The following TMEM233 variants were observed in gnomAD, a reference collection of about 807,000 sequenced individuals.
TMEM233 encodes the protein dispanin subfamily B member 2.
Under a neutral mutation model 11.2 loss-of-function variants are expected in TMEM233, and 6 were observed. The ratio of observed to expected loss-of-function variants is 0.54; its 90% CI spans 0.29 to 1.06. The LOEUF is 1.06. Ranked by LOEUF, TMEM233 falls within the 50% of genes least tolerant of loss-of-function variation. TMEM233 has a pLI of 0.08. For missense variants in TMEM233, 127 were observed against 144.7 expected (o/e 0.88, Z 0.63); for synonymous variants, 59 against 55.8 (o/e 1.06, Z -0.26).
chr12:119,616,532 A>G lies in TMEM233; in HGVS notation c.187-13204A>G, dbSNP rs552654364. Among the ~76,000 whole-genome samples, 19 of 152,354 alleles carry G rather than the reference A, an allele frequency of 1.2e-4. 1 individual carries two copies. The highest frequency in any genetic ancestry group is 5.2e-4 in the Admixed American group (8 of 15,304). On this transcript the variant is annotated intron_variant, in intron 1 of 2. Transcript: ENST00000426426. ...AAGAACTCAACAATGTCCAAACACC[A>G]CAAATATAAGTGAACAGACAATGGA...
intron 2 of TMEM233, among the ~76,000 whole-genome samples, chr12:119,635,053 G>A (rs770648257): frequency 2.1e-4 from 32 of 152,186 alleles, no homozygotes; most frequent in Admixed American, 1.2e-3. Flanking sequence ...AAAACTCTCC[G>A]CCCTCAAGCT....
chr12:119,638,186 A>G (rs538914377), intron 2 of TMEM233, among the ~76,000 whole-genome samples: 1 of 152,306 alleles, frequency 6.6e-6, no homozygotes, highest in South Asian at 2.1e-4. Context: ...GCCGCTGGGC[A>G]CTGTAGTTCA....
In TMEM233 at chr12:119,594,279, T is replaced by C; in HGVS notation, c.186+245T>C. Reference sequence around the variant, plus strand: ...CTGATCAAGCTTCCCCCAGGCTAGCTTTCCTCTTCTTTCCAGCTCCCAGGG... The same window carrying C: ...CTGATCAAGCTTCCCCCAGGCTAGCCTTCCTCTTCTTTCCAGCTCCCAGGG... On this transcript the variant is annotated intron_variant, in intron 1 of 2. Transcript: ENST00000426426. This position sits in a 1 kb window ranked among gnomAD's most constrained non-coding sequence, Gnocchi z 5.6. The C allele has an allele frequency of 4.2e-6, 2 of 475,288 alleles. No homozygotes were observed. The highest frequency in any genetic ancestry group is 6.7e-5 in the South Asian group (2 of 29,644). The allele number at this position is 475,288 out of a possible 1,614,324, so 29.4% of individuals were successfully genotyped here.
Position 119,626,538 on chromosome 12 carries a change from G to GAAGAGAAGAGAAGAGAAGAGAA in TMEM233, c.187-3198_187-3197insAAGAGAAGAGAAGAGAAGAGAA, listed in dbSNP as rs1566109309. Among the ~76,000 whole-genome samples the GAAGAGAAGAGAAGAGAAGAGAA allele has an allele frequency of 5.0e-4, 32 of 63,776 alleles. 1 individual carries two copies. Among genetic ancestry groups the GAAGAGAAGAGAAGAGAAGAGAA allele is most frequent in the African/African-American group, 1.6e-3 (27 of 16,460 alleles). The allele number at this position is 63,776 out of a possible 152,430, so 41.8% of individuals were successfully genotyped here. On this transcript the variant is annotated intron_variant, in intron 1 of 2. Coordinates refer to ENST00000426426, the MANE Select transcript of TMEM233 (RefSeq NM_001136534.3). The stretch of plus-strand genomic sequence containing the variant: ...AGGAGGAGAAGGGAGAAGGGAGAAG[G>GAAGAGAAGAGAAGAGAAGAGAA]GAGAAGAGAAGAGAAGAGAAGAGAA...
At chr12:119,647,219 G>A (rs1469504494), downstream of TMEM233, among the ~76,000 whole-genome samples, 2 of 152,068 alleles carry the variant, frequency 1.3e-5, no homozygotes, top group Admixed American at 6.6e-5. Context: ...CTTTTTTTGT[G>A]TGTCCTTAAA....
rs1593268398 is a variant in TMEM233, at chr12:119,594,133, A to G, written c.186+99A>G. 2.4e-6 allele frequency: 3 copies of G among 1,241,200 alleles called. No homozygotes were observed. In the Admixed American group the frequency reaches 7.0e-5, roughly 29 times the overall value. 76.9% of individuals were successfully genotyped at this position (1,241,200 alleles called of 1,614,324 possible). ...CGCGCTCTCTGCGGCTCCCTTCCTC[A>G]CGGCCCGGCCCGCGCTAGGTGTTCT... On this transcript the variant is annotated intron_variant, in intron 1 of 2. Coordinates refer to ENST00000426426, the MANE Select transcript of TMEM233 (RefSeq NM_001136534.3). This position sits in a 1 kb window ranked among gnomAD's most constrained non-coding sequence, Gnocchi z 5.6.
Position 119,594,190 on chromosome 12 carries a change from G to A in TMEM233, c.186+156G>A. On this transcript the variant is annotated intron_variant, in intron 1 of 2. Coordinates refer to ENST00000426426, the MANE Select transcript of TMEM233 (RefSeq NM_001136534.3). The surrounding 1 kb of genome is among the most constrained non-coding windows in gnomAD (Gnocchi z 5.6). ...TCGCACCTCCTCCTCACCTTTCTCG[G>A]GCTCTCAGAGCTCTCCCCGCAATCA... 2.8e-6 allele frequency: 2 copies of A among 708,598 alleles called. No homozygotes were observed. 43.9% of individuals were successfully genotyped at this position (708,598 alleles called of 1,614,324 possible).
rs1955072775 is a variant in TMEM233, at chr12:119,640,863, A to G, written c.*158A>G. On this transcript the variant is annotated 3_prime_UTR_variant, in exon 3 of 3. Transcript: ENST00000426426. ...TCCCTGGCAAATGAACAAGAAAAAA[A>G]AAAAAAAAAAGTCCAAAATTTAGGC... is the stretch of plus-strand genomic sequence containing the variant. The G allele has an allele frequency of 1.3e-6, 1 of 795,522 alleles. No homozygotes were observed. Among genetic ancestry groups the G allele is most frequent in the South Asian group, 2.6e-5 (1 of 38,744 alleles). The allele number at this position is 795,522 out of a possible 1,614,324, so 49.3% of individuals were successfully genotyped here.
intron 1 of TMEM233, among the ~76,000 whole-genome samples, chr12:119,612,122 T>C (rs1954411417): frequency 6.6e-6 from 1 of 151,942 alleles, no homozygotes; most frequent in African/African-American, 2.4e-5. Flanking sequence ...GCCTCCTGAG[T>C]AGCTGGGACT....
chr12:119,635,625 G>A (rs1430513137), intron 2 of TMEM233, among the ~76,000 whole-genome samples: 1 of 152,112 alleles, frequency 6.6e-6, no homozygotes, highest in Non-Finnish European at 1.5e-5. Flanking sequence ...ACCATCTACT[G>A]GGAGTTAGAG....
chr12:119,620,494 C>T (rs1397395615), intron 1 of TMEM233, among the ~76,000 whole-genome samples: 1 of 152,132 alleles, frequency 6.6e-6, no homozygotes, highest in Non-Finnish European at 1.5e-5. Flanking sequence ...GCAATCTCAA[C>T]AAATTTTAAA....
chr12:119,609,454 A>G (rs982299686), intron 1 of TMEM233, among the ~76,000 whole-genome samples: 1 of 152,236 alleles, frequency 6.6e-6, no homozygotes, highest in African/African-American at 2.4e-5. Flanking sequence ...AATGTTAATC[A>G]CCAAGACAAT....
the TMEM233 span, among the ~76,000 whole-genome samples, chr12:119,652,496 C>T: frequency 2.0e-5 from 3 of 152,148 alleles, no homozygotes; most frequent in Non-Finnish European, 4.4e-5. Flanking sequence ...CACATTTACC[C>T]GGCTTTTCCT....
chr12:119,614,288 T>C (rs10774506), intron 1 of TMEM233, among the ~76,000 whole-genome samples: 115,391 of 151,304 alleles, frequency 0.76, 44,102 homozygotes, highest in Middle Eastern at 0.85. Context: ...GCATCTGTAA[T>C]CCCAGCTACT....
chr12:119,630,350 C>T (rs1954853449), intron 2 of TMEM233, among the ~76,000 whole-genome samples: 1 of 152,166 alleles, frequency 6.6e-6, no homozygotes. Context: ...ATGCAGGGTC[C>T]CACGCTATAC....
At chr12:119,616,822 T>G (rs1954546804) in intron 1 of TMEM233, among the ~76,000 whole-genome samples, 1 of 152,172 alleles carries the variant, frequency 6.6e-6, no homozygotes, top group African/African-American at 2.4e-5. Flanking sequence ...TCTCACAAGA[T>G]CTGATGGTTC....
At chr12:119,628,870 G>C (rs1278165707) in intron 1 of TMEM233, among the ~76,000 whole-genome samples, 1 of 152,162 alleles carries the variant, frequency 6.6e-6, no homozygotes, top group Non-Finnish European at 1.5e-5. Context: ...CAGTTCTGGG[G>C]CTCACCTGCC....
At position 119,640,835 on chromosome 12, in the gene TMEM233, A is replaced by T; in HGVS notation, c.*130A>T. 4.9e-6 allele frequency: 4 copies of T among 822,412 alleles called. No homozygotes were observed. Among genetic ancestry groups the T allele is most frequent in the Non-Finnish European group, 6.8e-6 (4 of 587,642 alleles). The allele number at this position is 822,412 out of a possible 1,614,324, so 50.9% of individuals were successfully genotyped here. A position where few individuals can be genotyped will look rare whatever the true frequency, so the allele number is the denominator to read the frequency against. On this transcript the variant is annotated 3_prime_UTR_variant, in exon 3 of 3. Transcript: ENST00000426426. The stretch of plus-strand genomic sequence containing the variant: ...TTTTCCTCCAGGACTCTCCAGAGGC[A>T]GGTCCCTGGCAAATGAACAAGAAAA...
intron 1 of TMEM233, among the ~76,000 whole-genome samples, chr12:119,628,288 T>C (rs1954803766): frequency 6.6e-6 from 1 of 151,724 alleles, no homozygotes; most frequent in South Asian, 2.1e-4. Context: ...GCTTCCCGAG[T>C]AGCTGGGATT....
Sources: gnomAD v4.1 joint callset for allele counts (sites outside exome capture counted in the v4.1 genomes callset) on GRCh38, gnomAD v4.1.1 for gene constraint, Gnocchi (gnomAD v3.1) non-coding constraint, MANE v1.5 for transcripts, NCBI Gene and HGNC (gene_info 2026-07-23, HGNC 2026-07-21) for gene names.